Variants in DIAPH2 observed in about 807,000 individuals in gnomAD.
DIAPH2 encodes protein diaphanous homolog 2.
Under a neutral mutation model 92.7 loss-of-function variants are expected in DIAPH2, and 35 were observed. The ratio of observed to expected loss-of-function variants is 0.38; its 90% CI spans 0.29 to 0.50. The LOEUF (loss-of-function observed/expected upper bound fraction) is 0.50. Ranked by LOEUF, DIAPH2 falls within the 20% of genes least tolerant of loss-of-function variation. DIAPH2 has a pLI of 0.94. For missense variants in DIAPH2, 701 were observed against 819.5 expected (o/e 0.86, Z 1.77); for synonymous variants, 301 against 280.4 (o/e 1.07, Z -0.73).
chrX:96,966,222 TA>T (rs1174804608), intron 17 of DIAPH2, among the ~76,000 whole-genome samples: 1 of 111,722 alleles, frequency 9.0e-6, no homozygotes, highest in Non-Finnish European at 1.9e-5. Context: ...TTTTGACATT[TA>T]AAAAAAGTTA....
At chrX:97,136,822 G>A (rs2067173307) in intron 21 of DIAPH2, among the ~76,000 whole-genome samples, 1 of 110,195 alleles carries the variant, frequency 9.1e-6, no homozygotes, top group African/African-American at 3.3e-5. Flanking sequence ...ACTAAATCCT[G>A]TTTTTCCTTA....
At chrX:97,341,529 G>T (rs61102340) in intron 23 of DIAPH2, among the ~76,000 whole-genome samples, 2,082 of 109,188 alleles carry the variant, frequency 0.019, 48 homozygotes, top group African/African-American at 0.062. Flanking sequence ...TCTATATATA[G>T]AGAGAGAGAA....
chrX:97,438,428 C>A (rs1001884925), intron 26 of DIAPH2, among the ~76,000 whole-genome samples: 1 of 87,220 alleles, frequency 1.1e-5, no homozygotes, highest in Non-Finnish European at 2.1e-5. Context: ...TGCAGTGGTG[C>A]GATCACCACT....
At chrX:97,294,121 A>G (rs2068623139) in intron 23 of DIAPH2, among the ~76,000 whole-genome samples, 1 of 111,560 alleles carries the variant, frequency 9.0e-6, no homozygotes, top group Admixed American at 9.6e-5. Flanking sequence ...TATCCTGGGT[A>G]GGTTCGTAGT....
chrX:97,584,884 C>A (rs190031595), intron 26 of DIAPH2, among the ~76,000 whole-genome samples: 1 of 112,733 alleles, frequency 8.9e-6, no homozygotes, highest in East Asian at 2.8e-4. Flanking sequence ...CCGTATAATA[C>A]AACTGATCAT....
intron 26 of DIAPH2, among the ~76,000 whole-genome samples, chrX:97,448,534 C>T (rs1315409147): frequency 8.9e-6 from 1 of 111,853 alleles, no homozygotes; most frequent in Non-Finnish European, 1.9e-5. Flanking sequence ...ACAAATCAAA[C>T]CCTCCTTTTG....
At chrX:96,954,245 C>G (rs1161358966) in intron 15 of DIAPH2, 1 of 111,936 alleles carries the variant, frequency 8.9e-6, no homozygotes, top group Non-Finnish European at 1.9e-5. Flanking sequence ...AATCTAATGT[C>G]GTATCTTGAT....
chrX:97,044,853 C>T (rs1022575873), intron 17 of DIAPH2, among the ~76,000 whole-genome samples: 1 of 111,691 alleles, frequency 9.0e-6, no homozygotes, highest in African/African-American at 3.3e-5. Context: ...TGTCATCTCA[C>T]TCTCAGTCCC....
At chrX:96,847,307 C>T (rs2064978549) in intron 4 of DIAPH2, among the ~76,000 whole-genome samples, 1 of 111,899 alleles carries the variant, frequency 8.9e-6, no homozygotes, top group Non-Finnish European at 1.9e-5. Context: ...TCGATTTGGA[C>T]CTGCTGCCTT....
intron 4 of DIAPH2, among the ~76,000 whole-genome samples, chrX:96,816,875 A>G (rs769839975): frequency 1.4e-4 from 16 of 112,468 alleles, no homozygotes; most frequent in East Asian, 2.8e-4. Context: ...CATATACACA[A>G]TGGAGTACTA....
intron 26 of DIAPH2, among the ~76,000 whole-genome samples, chrX:97,464,186 C>T (rs980031910): frequency 9.5e-6 from 1 of 104,974 alleles, no homozygotes; most frequent in South Asian, 4.5e-4. Flanking sequence ...GCTCTCAGGC[C>T]GGGGGTGGTG....
chrX:97,331,196 C>T (rs2068998675), intron 23 of DIAPH2, among the ~76,000 whole-genome samples: 1 of 111,379 alleles, frequency 9.0e-6, no homozygotes, highest in African/African-American at 3.3e-5. Context: ...AAAATTTTCA[C>T]AGGGCACATT....
At chrX:96,736,286 A>G (rs1490141640) in intron 2 of DIAPH2, among the ~76,000 whole-genome samples, 1 of 111,446 alleles carries the variant, frequency 9.0e-6, no homozygotes, top group Non-Finnish European at 1.9e-5. Context: ...ACTATAAAAA[A>G]TGGTATTTTA....
intron 3 of DIAPH2, among the ~76,000 whole-genome samples, chrX:96,757,599 T>G (rs2064239778): frequency 8.9e-6 from 1 of 112,792 alleles, no homozygotes; most frequent in African/African-American, 3.2e-5. Flanking sequence ...TTCTTGTAAC[T>G]GAATACTTTT....
intron 23 of DIAPH2, among the ~76,000 whole-genome samples, chrX:97,253,293 A>AAAAAATAAAATAAAAT (rs748186406): frequency 1.1e-4 from 10 of 91,730 alleles, no homozygotes; most frequent in East Asian, 3.4e-4. Context: ...CTCCGTAAAA[A>AAAAAATAAAATAAAAT]AAAATAAAAT....
intron 19 of DIAPH2, among the ~76,000 whole-genome samples, chrX:97,078,273 A>T (rs769740018): frequency 1.8e-5 from 2 of 111,877 alleles, no homozygotes; most frequent in South Asian, 7.6e-4. Flanking sequence ...AACATAAAAG[A>T]TAGTGTATTA....
intron 5 of DIAPH2, chrX:96,885,194 AATC>A: frequency 1.4e-6 from 1 of 724,966 alleles, no homozygotes; most frequent in Non-Finnish European, 2.0e-6. Flanking sequence ...TAAAAAAAAA[AATC>A]TCAAGTGGCA....
chrX:97,039,388 A>T (rs1348180547), intron 17 of DIAPH2, among the ~76,000 whole-genome samples: 1 of 111,284 alleles, frequency 9.0e-6, no homozygotes, highest in Non-Finnish European at 1.9e-5. Context: ...AAAGTATTTT[A>T]AGATAACCTG....
intron 26 of DIAPH2, among the ~76,000 whole-genome samples, chrX:97,587,805 G>A (rs1359079025): frequency 8.9e-6 from 1 of 111,786 alleles, no homozygotes; most frequent in Admixed American, 9.5e-5. Context: ...TCTGTATCGG[G>A]TGCCATTCTG....
Sources: allele counts gnomAD v4.1 joint callset (sites outside exome capture counted in the v4.1 genomes callset), GRCh38; gene constraint gnomAD v4.1.1; transcripts MANE v1.5; gene names NCBI Gene and HGNC (gene_info 2026-07-23, HGNC 2026-07-21).